ETFA: variants seen among roughly 807,000 people sequenced by gnomAD.
ETFA encodes the protein electron transfer flavoprotein subunit alpha, mitochondrial.
A neutral mutation model predicts 46.2 loss-of-function variants in ETFA; 22 were observed. The observed-to-expected ratio is 0.48, with a 90% confidence interval of 0.34 to 0.68. The LOEUF (loss-of-function observed/expected upper bound fraction) is 0.68, where lower values mean the gene tolerates loss of function less well. ETFA is among the 30% of genes least tolerant of loss of function. The probability of loss-of-function intolerance (pLI) is 0.01; values close to 1 mark genes in which losing one functional copy is unlikely to be tolerated. For missense variants in ETFA, 345 were observed against 401.1 expected (o/e 0.86, Z 1.19); for synonymous variants, 131 against 139.9 (o/e 0.94, Z 0.45).
chr15:76,216,594 C>T lies in ETFA; in HGVS notation c.967G>A (p.Val323Ile), dbSNP rs1225887341. 2.5e-6 allele frequency: 4 copies of T among 1,587,258 alleles called. No homozygotes were observed. The highest frequency in any genetic ancestry group is 1.7e-5 in the Admixed American group (1 of 59,954). Reference protein sequence around the residue: ...YGIVADLFKVVPEMTEILKKK With the variant: ...YGIVADLFKVIPEMTEILKKK The stretch of plus-strand genomic sequence containing the variant: ...TTCAATATCTCAGTCATTTCAGGAA[C>T]TACCTGCAAATAAAAACAAAAAGTA... The change falls in exon 12 of 12, where the codon GTT (valine) becomes ATT (isoleucine). Residue 323 changes from valine (V) to isoleucine (I), a missense_variant. Physicochemically the swap from Val to Ile is conservative, Grantham distance 29. Transcript: ENST00000557943.
At chr15:76,234,359 T>C (rs2039101116) in intron 9 of ETFA, among the ~76,000 whole-genome samples, 1 of 152,146 alleles carries the variant, frequency 6.6e-6, no homozygotes, top group South Asian at 2.1e-4. Context: ...GAAAGCATTT[T>C]TGTATTTCAA....
intron 9 of ETFA, among the ~76,000 whole-genome samples, chr15:76,271,914 T>TGC (rs2039537184): frequency 6.7e-6 from 1 of 148,712 alleles, no homozygotes; most frequent in African/African-American, 2.5e-5. Flanking sequence ...TGTGTGTATA[T>TGC]ACACACACAC....
intron 9 of ETFA, chr15:76,261,506 A>G: frequency 1.4e-6 from 1 of 739,152 alleles, no homozygotes; most frequent in Non-Finnish European, 2.3e-6. Context: ...TCCATGCTGC[A>G]GCTGAGCTTT....
At chr15:76,273,308 C>A (rs1357176183) in intron 9 of ETFA, among the ~76,000 whole-genome samples, 1 of 152,170 alleles carries the variant, frequency 6.6e-6, no homozygotes, top group African/African-American at 2.4e-5. Flanking sequence ...GTAATTCCAG[C>A]ACTTTGGGAG....
chr15:76,216,227 ATAAAT>A lies in ETFA; in HGVS notation c.*327_*331del, dbSNP rs2038894414. On this transcript the variant is annotated 3_prime_UTR_variant, in exon 12 of 12. Transcript: ENST00000557943. Reference sequence around the variant, plus strand: ...CTCCATGAACAAGAAAGGCAAAAAAATAAATAAATAAACAAAATTTTTACTCCTTT... The same window carrying A: ...CTCCATGAACAAGAAAGGCAAAAAAAAAATAAACAAAATTTTTACTCCTTT... 5.6e-6 allele frequency: 1 copy of A among 177,570 alleles called. No individual in the cohort carries two copies. The highest frequency in any genetic ancestry group is 1.8e-3 in the Middle Eastern group (1 of 544). The allele number at this position is 177,570 out of a possible 1,614,324, so 11.0% of individuals were successfully genotyped here. A position where few individuals can be genotyped will look rare whatever the true frequency, so the allele number is the denominator to read the frequency against.
chr15:76,219,573 A>G (rs1482919299), intron 11 of ETFA, among the ~76,000 whole-genome samples: 1 of 152,260 alleles, frequency 6.6e-6, no homozygotes, highest in Non-Finnish European at 1.5e-5. Context: ...TGGAAATCAT[A>G]TCTCTGATAA....
At chr15:76,280,394 G>T (rs1278065108) in intron 8 of ETFA, among the ~76,000 whole-genome samples, 1 of 152,072 alleles carries the variant, frequency 6.6e-6, no homozygotes, top group Non-Finnish European at 1.5e-5. Context: ...CATCCAATCT[G>T]TCGGGAAATC....
chr15:76,279,739 T>A (rs895175488), intron 8 of ETFA, among the ~76,000 whole-genome samples: 1 of 152,170 alleles, frequency 6.6e-6, no homozygotes, highest in Non-Finnish European at 1.5e-5. Context: ...GATCAATTTT[T>A]TCCCCCCTCA....
chr15:76,292,430 C>T lies in ETFA; in HGVS notation c.351+1G>A. 6.2e-7 allele frequency: 1 copy of T among 1,609,394 alleles called. No individual in the cohort carries two copies. Among genetic ancestry groups the T allele is most frequent in the Non-Finnish European group, 8.5e-7 (1 of 1,175,626 alleles). ...AGATTCCACATTCTCAACCTTCTCA[C>T]CTTTCCGAAGGCAGATGCTCCAGCA... On this transcript the variant is annotated splice_donor_variant, in intron 4 of 11. Transcript: ENST00000557943. LOFTEE classifies it high-confidence loss of function.
intron 7 of ETFA, among the ~76,000 whole-genome samples, chr15:76,285,093 AAGTT>A (rs902407917): frequency 5.9e-5 from 9 of 152,138 alleles, no homozygotes. Flanking sequence ...TTTTTTCAAA[AAGTT>A]AGTCAGTGGG....
intron 9 of ETFA, among the ~76,000 whole-genome samples, chr15:76,246,614 G>A (rs560994003): frequency 7.5e-4 from 114 of 152,126 alleles, no homozygotes; most frequent in African/African-American, 1.5e-3. Flanking sequence ...GGCAGATCAC[G>A]AGGTCAGGAG....
intron 9 of ETFA, among the ~76,000 whole-genome samples, chr15:76,265,126 C>G (rs2039457348): frequency 6.6e-6 from 1 of 152,214 alleles, no homozygotes; most frequent in Non-Finnish European, 1.5e-5. Context: ...CAATTCCTGT[C>G]TCCTTCCTAG....
At chr15:76,280,616 T>A (rs2039638379) in intron 8 of ETFA, among the ~76,000 whole-genome samples, 1 of 152,180 alleles carries the variant, frequency 6.6e-6, no homozygotes, top group South Asian at 2.1e-4. Flanking sequence ...ATCATGTCAT[T>A]CTTCTGCTCA....
intron 9 of ETFA, chr15:76,259,996 C>G: frequency 1.4e-6 from 2 of 1,457,812 alleles, no homozygotes; most frequent in Non-Finnish European, 1.9e-6. Flanking sequence ...CTCCTTCATG[C>G]AAGCTGCTTT....
chr15:76,282,365 G>A (rs1362159334), intron 8 of ETFA, among the ~76,000 whole-genome samples: 1 of 152,138 alleles, frequency 6.6e-6, no homozygotes, highest in East Asian at 1.9e-4. Context: ...ATCTCCTAGA[G>A]CCCCCAGAGG....
intron 8 of ETFA, among the ~76,000 whole-genome samples, chr15:76,282,922 C>A (rs2039669409): frequency 6.6e-6 from 1 of 152,116 alleles, no homozygotes; most frequent in Non-Finnish European, 1.5e-5. Flanking sequence ...TCCCAAGTAA[C>A]TGGGATTACA....
At chr15:76,218,700 T>TA (rs1357430484) in intron 11 of ETFA, among the ~76,000 whole-genome samples, 1 of 152,244 alleles carries the variant, frequency 6.6e-6, no homozygotes, top group African/African-American at 2.4e-5. Context: ...TGTTCTCTTT[T>TA]AGATATTGCA....
At chr15:76,309,216 A>G (rs957754786) in intron 1 of ETFA, among the ~76,000 whole-genome samples, 5 of 152,150 alleles carry the variant, frequency 3.3e-5, no homozygotes, top group African/African-American at 4.8e-5. Context: ...TTGGGAGGCC[A>G]AGGCGGGCGG....
chr15:76,300,520 C>T (rs1023304548), intron 1 of ETFA, among the ~76,000 whole-genome samples: 4 of 152,200 alleles, frequency 2.6e-5, no homozygotes, highest in Non-Finnish European at 4.4e-5. Context: ...TATCCTAGTG[C>T]AGGCCATTAT....
Sources: allele counts gnomAD v4.1 joint callset (sites outside exome capture counted in the v4.1 genomes callset), GRCh38; gene constraint gnomAD v4.1.1; transcripts MANE v1.5; gene names NCBI Gene and HGNC (gene_info 2026-07-23, HGNC 2026-07-21).